BACE1: variants seen among roughly 807,000 people sequenced by gnomAD.
BACE1 encodes APP beta-secretase.
BACE1 carries 21 observed loss-of-function variants against 54.0 expected under a neutral mutation model. That is an observed-to-expected ratio of 0.39 (90% CI 0.28 to 0.56). The LOEUF (loss-of-function observed/expected upper bound fraction) is 0.56. BACE1 is among the 20% of genes least tolerant of loss of function. The pLI is 0.63. For missense variants in BACE1, 511 were observed against 661.2 expected (o/e 0.77, Z 2.49); for synonymous variants, 232 against 260.9 (o/e 0.89, Z 1.07).
chr11:117,302,528 T>G (rs572460825), intron 1 of BACE1, among the ~76,000 whole-genome samples: 6 of 152,240 alleles, frequency 3.9e-5, no homozygotes, highest in South Asian at 2.1e-4. Context: ...CCCCTACACA[T>G]CCTGCCATCT....
intron 3 of BACE1, 127 bp downstream of exon 3, chr11:117,295,004 C>T (rs1422364218): frequency 3.1e-6 from 3 of 968,514 alleles, no homozygotes; most frequent in Admixed American, 2.1e-5. Context: ...CACCCTATAC[C>T]CCTGTTAAAT....
chr11:117,302,104 T>C (rs680210), intron 1 of BACE1, among the ~76,000 whole-genome samples: 114,902 of 152,082 alleles, frequency 0.76, 44,669 homozygotes, highest in East Asian at 0.95. Flanking sequence ...GAGGCTGAGG[T>C]GGTTGGATCA....
At chr11:117,306,033 C>T (rs1294694468) in intron 1 of BACE1, among the ~76,000 whole-genome samples, 1 of 151,938 alleles carries the variant, frequency 6.6e-6, no homozygotes, top group Non-Finnish European at 1.5e-5. Context: ...GAGACTCCGT[C>T]TCAAAAATAA....
At chr11:117,305,991 G>A (rs983149921) in intron 1 of BACE1, among the ~76,000 whole-genome samples, 1 of 152,042 alleles carries the variant, frequency 6.6e-6, no homozygotes, top group Non-Finnish European at 1.5e-5. Context: ...AGCCCAGATC[G>A]CACCACTGCA....
rs778607172 is a variant in BACE1, at chr11:117,291,054, G to A, written c.943-5C>T. 2.5e-5 allele frequency: 40 copies of A among 1,613,928 alleles called. No individual in the cohort carries two copies. Among genetic ancestry groups the A allele is most frequent in the Non-Finnish European group, 3.4e-5 (40 of 1,179,930 alleles). ...ACCATCAGGGAACTTCTCCGTCTGTGTTGGCAAGAAGGGGATAACAATGAG... is the reference window on the plus strand; with the variant it reads ...ACCATCAGGGAACTTCTCCGTCTGTATTGGCAAGAAGGGGATAACAATGAG... On this transcript the variant is annotated splice_region_variant and splice_polypyrimidine_tract_variant and intron_variant, in intron 6 of 8. Coordinates refer to ENST00000313005, the MANE Select transcript of BACE1 (RefSeq NM_012104.6).
At chr11:117,307,749 T>G (rs1307650321) in intron 1 of BACE1, among the ~76,000 whole-genome samples, 1 of 152,114 alleles carries the variant, frequency 6.6e-6, no homozygotes, top group African/African-American at 2.4e-5. Flanking sequence ...AGCTAAACTC[T>G]TCTTTACTGG....
chr11:117,307,299 G>A (rs2034851504), intron 1 of BACE1, among the ~76,000 whole-genome samples: 1 of 152,054 alleles, frequency 6.6e-6, no homozygotes, highest in Non-Finnish European at 1.5e-5. Context: ...TTCCCTGGGA[G>A]GTGTTTCTCT....
chr11:117,311,511 T>G (rs2034942799), intron 1 of BACE1, among the ~76,000 whole-genome samples: 1 of 152,136 alleles, frequency 6.6e-6, no homozygotes, highest in African/African-American at 2.4e-5. Flanking sequence ...CCCTGGCACG[T>G]TCTCTGCATC....
intron 1 of BACE1, among the ~76,000 whole-genome samples, chr11:117,300,960 T>C (rs571795741): frequency 2.8e-4 from 42 of 152,330 alleles, no homozygotes; most frequent in African/African-American, 9.9e-4. Context: ...TCAGCCAGGC[T>C]GTCTCCATTT....
At chr11:117,301,573 C>T (rs930960278) in intron 1 of BACE1, among the ~76,000 whole-genome samples, 40 of 151,628 alleles carry the variant, frequency 2.6e-4, no homozygotes, top group Admixed American at 2.6e-3. Flanking sequence ...TGTGCCACTG[C>T]ACTCCAGCCT....
chr11:117,307,396 C>T (rs1233752268), intron 1 of BACE1, among the ~76,000 whole-genome samples: 1 of 152,218 alleles, frequency 6.6e-6, no homozygotes, highest in Non-Finnish European at 1.5e-5. Context: ...ACTGCAACCT[C>T]CGCCTCCTGG....
chr11:117,310,495 A>C (rs910669415), intron 1 of BACE1, among the ~76,000 whole-genome samples: 2 of 152,172 alleles, frequency 1.3e-5, no homozygotes, highest in Admixed American at 6.5e-5. Context: ...ATCTCAGCTC[A>C]CTGCAACCTC....
At chr11:117,312,317 G>A (rs1437935580) in intron 1 of BACE1, among the ~76,000 whole-genome samples, 8 of 152,148 alleles carry the variant, frequency 5.3e-5, no homozygotes, top group Non-Finnish European at 1.0e-4. Flanking sequence ...GGTGCCATCT[G>A]CCCCCTGGGA....
chr11:117,290,746 A>T (rs1481762784), intron 7 of BACE1, 87 bp from the exon 8 acceptor site: 1 of 1,567,736 alleles, frequency 6.4e-7, no homozygotes, highest in African/African-American at 1.4e-5. Context: ...CCTTCCCTTT[A>T]CCATCCCTGA....
At position 117,315,592 on chromosome 11, in the gene BACE1, C is replaced by G; in HGVS notation, c.204G>C (p.Arg68Ser). The change falls in exon 1 of 9, where the codon AGG becomes AGC. Residue 68 changes from arginine (R) to serine (S), a missense_variant. Physicochemically the swap from Arg to Ser is moderately radical, Grantham distance 110 (BLOSUM62 -1). Around this residue, in one of 2 missense-constraint regions of BACE1, gnomAD observed 104 missense variants for 95.5 expected, o/e 1.09. Coordinates refer to ENST00000313005, the MANE Select transcript of BACE1 (RefSeq NM_012104.6). This position sits in a 1 kb window ranked among gnomAD's most constrained non-coding sequence, Gnocchi z 5.5. ...GSFVEMVDNL[R>S]GKSGQGYYVE... ...CGTAGTAGCCCTGCCCCGACTTGCC[C>G]CTCAGGTTGTCCACCATCTCCACAA... 6 of 1,590,420 alleles carry G rather than the reference C, an allele frequency of 3.8e-6. No individual in the cohort carries two copies. Among genetic ancestry groups the G allele is most frequent in the Non-Finnish European group, 4.3e-6 (5 of 1,169,968 alleles).
Position 117,293,467 on chromosome 11 carries a change from T to C in BACE1, c.706-279A>G. ...AAATCTAAACTGCCACAATAAATGT[T>C]GAATGAATGGTTATTTGTTTATATT... On this transcript the variant is annotated intron_variant, in intron 4 of 8. Coordinates refer to ENST00000313005, the MANE Select transcript of BACE1 (RefSeq NM_012104.6). The surrounding 1 kb of genome is among the most constrained non-coding windows in gnomAD (Gnocchi z 4.1). 1 of 316,936 alleles carries C rather than the reference T, an allele frequency of 3.2e-6. No individual in the cohort carries two copies. The allele number at this position is 316,936 out of a possible 1,614,324, so 19.6% of individuals were successfully genotyped here. A position where few individuals can be genotyped will look rare whatever the true frequency, so the allele number is the denominator to read the frequency against.
Position 117,289,173 on chromosome 11 carries a change from G to A in BACE1, c.*393C>T, listed in dbSNP as rs895126863. 1.4e-5 allele frequency: 3 copies of A among 219,820 alleles called. No homozygotes were observed. The highest frequency in any genetic ancestry group is 6.7e-5 in the African/African-American group (3 of 44,946). 13.6% of individuals were successfully genotyped at this position (219,820 alleles called of 1,614,324 possible). ...GTCTCTTCTCTGCCAGGGTACCACA[G>A]GGACACACGCCAAGGTAACCTGCGT... On this transcript the variant is annotated 3_prime_UTR_variant, in exon 9 of 9. Coordinates refer to ENST00000313005, the MANE Select transcript of BACE1 (RefSeq NM_012104.6).
At chr11:117,300,401 T>A (rs1276233702) in intron 1 of BACE1, among the ~76,000 whole-genome samples, 1 of 152,102 alleles carries the variant, frequency 6.6e-6, no homozygotes, top group Non-Finnish European at 1.5e-5. Flanking sequence ...GCGCTTCGAA[T>A]GGGAGCCCTG....
intron 1 of BACE1, among the ~76,000 whole-genome samples, chr11:117,310,240 C>G (rs1237756027): frequency 6.6e-6 from 1 of 151,882 alleles, no homozygotes; most frequent in African/African-American, 2.4e-5. Context: ...AATACTTTCT[C>G]TAAGAGCTAC....
Sources: allele counts gnomAD v4.1 joint callset (sites outside exome capture counted in the v4.1 genomes callset), GRCh38; gene constraint gnomAD v4.1.1; regional missense constraint gnomAD v4.1.1; non-coding constraint Gnocchi (gnomAD v3.1); transcripts MANE v1.5; gene names NCBI Gene and HGNC (gene_info 2026-07-23, HGNC 2026-07-21).